SMUG1: variants seen among roughly 807,000 people sequenced by gnomAD.
SMUG1 encodes single-strand selective monofunctional uracil DNA glycosylase.
In SMUG1, 13 loss-of-function variants were observed where a neutral mutation model predicts 23.9. The ratio of observed to expected loss-of-function variants is 0.54; its 90% CI spans 0.35 to 0.86. SMUG1 has a LOEUF of 0.86. Ranked by LOEUF, SMUG1 falls within the 40% of genes least tolerant of loss-of-function variation. The probability of loss-of-function intolerance (pLI) is 0.01; values close to 1 mark genes in which losing one functional copy is unlikely to be tolerated. For missense variants in SMUG1, 313 were observed against 339.5 expected, an observed-to-expected ratio of 0.92 and a Z score of 0.61; for synonymous variants, 133 against 139.8, an observed-to-expected ratio of 0.95 and a Z score of 0.34.
chr12:54,188,017 C>T, intron 1 of SMUG1, 115 bp from the exon 2 acceptor site: 1 of 152,010 alleles, frequency 6.6e-6, no homozygotes, highest in East Asian at 1.9e-4. Flanking sequence ...TACCCAAAGT[C>T]GCCCCAAGAG....
chr12:54,173,640 G>C (rs1488331629), intron 2 of SMUG1, among the ~76,000 whole-genome samples: 1 of 152,190 alleles, frequency 6.6e-6, no homozygotes, highest in Non-Finnish European at 1.5e-5. Context: ...ATTGGATTGC[G>C]GAGGAGCTGG....
intron 3 of SMUG1, among the ~76,000 whole-genome samples, chr12:54,170,148 A>G (rs1940578765): frequency 6.6e-6 from 1 of 151,674 alleles, no homozygotes; most frequent in South Asian, 2.1e-4. Flanking sequence ...CGGTCCGGCG[A>G]GATCGCGCCA....
intron 3 of SMUG1, among the ~76,000 whole-genome samples, chr12:54,171,565 C>T (rs371046933): frequency 6.2e-4 from 93 of 151,202 alleles, no homozygotes; most frequent in African/African-American, 2.2e-3. Context: ...CAGCGCGTGC[C>T]TGTAATCCCA....
intron 3 of SMUG1, among the ~76,000 whole-genome samples, chr12:54,166,092 G>A (rs573934773): frequency 6.6e-6 from 1 of 152,358 alleles, no homozygotes; most frequent in South Asian, 2.1e-4. Flanking sequence ...GTGGAGCGCA[G>A]TGGCTCACGC....
downstream of SMUG1, among the ~76,000 whole-genome samples, chr12:54,176,325 G>C (rs372380487): frequency 5.3e-5 from 8 of 151,904 alleles, no homozygotes; most frequent in East Asian, 1.2e-3. Context: ...ATAGAGACCA[G>C]CCTGGGCAAC....
chr12:54,176,289 G>A (rs537405439), downstream of SMUG1, among the ~76,000 whole-genome samples: 12 of 151,798 alleles, frequency 7.9e-5, no homozygotes, highest in Admixed American at 6.5e-5. Flanking sequence ...GGAGGCTAAG[G>A]TGGGAGGATT....
chr12:54,162,027 T>G (rs1412001272), downstream of SMUG1: 1 of 152,420 alleles, frequency 6.6e-6, no homozygotes, highest in Non-Finnish European at 1.5e-5. Flanking sequence ...GTCAGTTGAG[T>G]GCAGGAAGTG....
At position 54,182,438 on chromosome 12, in the gene SMUG1, A is replaced by G. The variant is rs771198309; in HGVS notation, c.471T>C (p.His157=). 7.4e-6 allele frequency: 12 copies of G among 1,614,168 alleles called. No individual in the cohort carries two copies. Among genetic ancestry groups the G allele is most frequent in the South Asian group, 1.1e-5 (1 of 91,088 alleles). The change falls in exon 4 of 4, where the codon CAT becomes CAC. Residue 157 remains histidine (H), a synonymous_variant. Coordinates refer to ENST00000682136, the MANE Select transcript of SMUG1 (RefSeq NM_001243787.2). ...GGCATAGATTGTGGACAAAACAGTG[A>G]TGGAAGAAGACCTCAGGCTGTCCAC... ...NLCGQPEVFF[H]HCFVHNLCPL...
chr12:54,178,753 A>C (rs1940812993), downstream of SMUG1, among the ~76,000 whole-genome samples: 1 of 152,226 alleles, frequency 6.6e-6, no homozygotes, highest in Admixed American at 6.5e-5. Flanking sequence ...GGGCCAAGCC[A>C]ATAGGAATCT....
At chr12:54,178,272 G>A (rs983116394), downstream of SMUG1, among the ~76,000 whole-genome samples, 5 of 152,140 alleles carry the variant, frequency 3.3e-5, no homozygotes, top group Non-Finnish European at 7.3e-5. Flanking sequence ...GGGAAAGGCA[G>A]GCCCAGGACC....
chr12:54,178,082 G>A (rs948291800), downstream of SMUG1, among the ~76,000 whole-genome samples: 1 of 152,156 alleles, frequency 6.6e-6, no homozygotes, highest in Non-Finnish European at 1.5e-5. Flanking sequence ...AAAAGGCTAT[G>A]GGAGGACACA....
chr12:54,169,905 A>G (rs1592348562), intron 3 of SMUG1, among the ~76,000 whole-genome samples: 1 of 152,336 alleles, frequency 6.6e-6, no homozygotes, highest in South Asian at 2.1e-4. Context: ...ACATTAGAGA[A>G]GCTCACTGTT....
chr12:54,160,951 A>G (rs966734589), downstream of SMUG1, among the ~76,000 whole-genome samples: 1 of 152,142 alleles, frequency 6.6e-6, no homozygotes, highest in African/African-American at 2.4e-5. Flanking sequence ...CAGTCAACTC[A>G]TGCATGCCCT....
Position 54,183,807 on chromosome 12 carries a change from A to C in SMUG1, c.134T>G (p.Leu45Arg). 1 of 1,614,156 alleles carries C rather than the reference A, an allele frequency of 6.2e-7. No individual in the cohort carries two copies. The highest frequency in any genetic ancestry group is 8.5e-7 in the Non-Finnish European group (1 of 1,180,018). ...ELRLNAELSQLQFSEPVGIIY... is the reference protein window; with the variant it reads ...ELRLNAELSQRQFSEPVGIIY... ...GATGCCCACAGGCTCCGAAAACTGC[A>C]GCTGGCTCAGCTCAGCATTGAGCCG... Residue 45 changes from leucine (L) to arginine (R), a missense_variant, in exon 3 of 4, where the codon CTG (leucine) becomes CGG (arginine). Coordinates refer to ENST00000682136, the MANE Select transcript of SMUG1 (RefSeq NM_001243787.2).
intron 3 of SMUG1, 165 bp from the exon 4 acceptor site, chr12:54,182,788 G>C: frequency 1.5e-6 from 2 of 1,351,546 alleles, no homozygotes; most frequent in African/African-American, 2.9e-5. Context: ...TATGGTTTGA[G>C]CCTGTCTGTC....
At position 54,181,663 on chromosome 12, in the gene SMUG1, T is replaced by A; in HGVS notation, c.*433A>T. On this transcript the variant is annotated 3_prime_UTR_variant, in exon 4 of 4. Transcript: ENST00000682136. ...GTCTTGGTCCCTGTGAGGAAAGGGG[T>A]CAGCTAAAGGTAACTGTTCTATAAG... 6.3e-7 allele frequency: 1 copy of A among 1,588,588 alleles called. No individual in the cohort carries two copies.
intron 3 of SMUG1, among the ~76,000 whole-genome samples, chr12:54,167,169 A>G (rs967974604): frequency 5.3e-5 from 8 of 152,194 alleles, no homozygotes; most frequent in African/African-American, 1.9e-4. Flanking sequence ...AGCATGGACC[A>G]GTAATGATGT....
intron 2 of SMUG1, 29 bp from the exon 3 acceptor site, chr12:54,183,988 T>C: frequency 6.9e-7 from 1 of 1,456,044 alleles, no homozygotes; most frequent in Non-Finnish European, 9.1e-7. Context: ...AGAAGCCCCA[T>C]CAACCCTCAG....
chr12:54,170,907 C>G (rs1940598897), intron 3 of SMUG1, among the ~76,000 whole-genome samples: 1 of 148,836 alleles, frequency 6.7e-6, no homozygotes, highest in Admixed American at 6.7e-5. Context: ...CCTTTTGTTT[C>G]TTAATCCCAT....
Sources: gnomAD v4.1 joint callset for allele counts (sites outside exome capture counted in the v4.1 genomes callset) on GRCh38, gnomAD v4.1.1 for gene constraint, MANE v1.5 for transcripts, NCBI Gene and HGNC (gene_info 2026-07-23, HGNC 2026-07-21) for gene names.